The following LPP variants were observed in gnomAD, a reference collection of about 807,000 sequenced individuals.
The protein encoded by LPP is lipoma-preferred partner.
In LPP, 38 loss-of-function variants were observed where a neutral mutation model predicts 60.4. The ratio of observed to expected loss-of-function variants is 0.63; its 90% CI spans 0.49 to 0.83. The LOEUF (loss-of-function observed/expected upper bound fraction) is 0.83, where lower values mean the gene tolerates loss of function less well. LPP is among the 40% of genes least tolerant of loss of function. The pLI is 0.00. For missense variants in LPP, 902 were observed against 783.6 expected (o/e 1.15, Z -1.80); for synonymous variants, 328 against 290.8 (o/e 1.13, Z -1.30).
rs185895059 is a variant in LPP at position 188,349,080 on chromosome 3, G to A, written c.-10+7361G>A. Among the ~76,000 whole-genome samples, 7 of 152,264 alleles carry A rather than the reference G, an allele frequency of 4.6e-5. No individual in the cohort carries two copies. The East Asian group carries it at 1.4e-3, about 29-fold the overall frequency. ...CTTTTCATTAAACCACGATGTCTCA[G>A]TCAAGAGGAATGCTGGGTTGTGGGT... On this transcript the variant is annotated intron_variant, in intron 3 of 11. Transcript: ENST00000617246.
At chr3:188,785,907 T>C (rs924161398) in intron 9 of LPP, among the ~76,000 whole-genome samples, 1 of 152,156 alleles carries the variant, frequency 6.6e-6, no homozygotes, top group East Asian at 1.9e-4. Context: ...CTTTCTCAAT[T>C]TTCTCTTTAG....
At chr3:188,829,822 A>G (rs1756652162) in intron 9 of LPP, among the ~76,000 whole-genome samples, 1 of 152,002 alleles carries the variant, frequency 6.6e-6, no homozygotes, top group South Asian at 2.1e-4. Context: ...GGGTTTTTTT[A>G]CTTCTGTAAA....
chr3:188,501,775 G>C (rs1324816342), intron 5 of LPP, among the ~76,000 whole-genome samples: 1 of 151,578 alleles, frequency 6.6e-6, no homozygotes, highest in African/African-American at 2.4e-5. Context: ...ATATTAGCCG[G>C]GCGTGGTGGT....
chr3:188,323,018 C>T (rs534269420), intron 2 of LPP, among the ~76,000 whole-genome samples: 1 of 152,292 alleles, frequency 6.6e-6, no homozygotes, highest in East Asian at 1.9e-4. Flanking sequence ...GTAAAATCCA[C>T]TCTAATTCTA....
intron 9 of LPP, among the ~76,000 whole-genome samples, chr3:188,795,851 C>G (rs1416037852): frequency 6.6e-6 from 1 of 152,102 alleles, no homozygotes; most frequent in Non-Finnish European, 1.5e-5. Flanking sequence ...TATGTGTTTT[C>G]TGCAGTGGTC....
intron 7 of LPP, among the ~76,000 whole-genome samples, chr3:188,660,731 A>G (rs1359357929): frequency 2.0e-5 from 3 of 151,960 alleles, no homozygotes; most frequent in Non-Finnish European, 4.4e-5. Flanking sequence ...AAATACAAGC[A>G]AGTTCCCATA....
At chr3:188,396,539 G>A (rs898798359) in intron 3 of LPP, among the ~76,000 whole-genome samples, 1 of 152,176 alleles carries the variant, frequency 6.6e-6, no homozygotes. Context: ...TTATTGGTAG[G>A]TTTAGAAATA....
At chr3:188,674,216 A>G (rs1857522373) in intron 7 of LPP, among the ~76,000 whole-genome samples, 1 of 152,240 alleles carries the variant, frequency 6.6e-6, no homozygotes, top group Admixed American at 6.5e-5. Context: ...AATTTAAAAA[A>G]GAACATAGAT....
chr3:188,703,756 A>C (rs531177863), intron 7 of LPP, among the ~76,000 whole-genome samples: 39 of 152,362 alleles, frequency 2.6e-4, no homozygotes, highest in Admixed American at 9.8e-4. Flanking sequence ...TTCAGAGAAC[A>C]AAAAGAATGA....
At chr3:188,399,850 G>C (rs570281874) in intron 3 of LPP, among the ~76,000 whole-genome samples, 1 of 152,144 alleles carries the variant, frequency 6.6e-6, no homozygotes, top group African/African-American at 2.4e-5. Context: ...TGATTTGGAC[G>C]AAAAAAAGGA....
intron 9 of LPP, among the ~76,000 whole-genome samples, chr3:188,845,624 TCTC>T (rs999319023): frequency 2.0e-4 from 30 of 152,278 alleles, no homozygotes; most frequent in African/African-American, 7.2e-4. Flanking sequence ...CTTTCATAAA[TCTC>T]CTCTGGTATA....
At chr3:188,379,050 C>T (rs1050993377) in intron 3 of LPP, among the ~76,000 whole-genome samples, 9 of 151,866 alleles carry the variant, frequency 5.9e-5, no homozygotes, top group African/African-American at 2.2e-4. Flanking sequence ...GAAGTCCTGC[C>T]CTCCCCACTA....
chr3:188,391,627 A>G (rs574553548), intron 3 of LPP, among the ~76,000 whole-genome samples: 6 of 152,144 alleles, frequency 3.9e-5, no homozygotes, highest in Non-Finnish European at 7.3e-5. Flanking sequence ...TGAATCACAA[A>G]ACTGCACAAA....
chr3:188,607,116 GACACACACACACACAC>G lies in LPP; in HGVS notation c.430-2010_430-1995del, dbSNP rs34057522. 2.3e-3 allele frequency among the ~76,000 whole-genome samples: 293 copies of G among 129,578 alleles called. 2 individuals carry two copies. The South Asian group carries it at 0.028, about 12-fold the overall frequency. 85.0% of individuals were successfully genotyped at this position (129,578 alleles called of 152,430 possible). ...TTCTTTCAGTCTCTTTCTTGGTGAAGACACACACACACACACACACACACACACACACACACACACA... is the reference window on the plus strand; with the variant it reads ...TTCTTTCAGTCTCTTTCTTGGTGAAGACACACACACACACACACACACACA... On this transcript the variant is annotated intron_variant, in intron 6 of 11. Transcript: ENST00000617246.
chr3:188,272,241 T>C (rs1737999420), intron 2 of LPP, among the ~76,000 whole-genome samples: 1 of 152,224 alleles, frequency 6.6e-6, no homozygotes, highest in South Asian at 2.1e-4. Flanking sequence ...CTTCTAGCTC[T>C]TAAAAGCATG....
intron 1 of LPP, among the ~76,000 whole-genome samples, chr3:188,170,642 A>G (rs1238811669): frequency 6.8e-6 from 1 of 146,154 alleles, no homozygotes; most frequent in Non-Finnish European, 1.5e-5. Context: ...AGGGAGTCTC[A>G]GCTTCTTCAT....
At chr3:188,833,820 A>C (rs1396835834) in intron 9 of LPP, among the ~76,000 whole-genome samples, 1 of 152,136 alleles carries the variant, frequency 6.6e-6, no homozygotes, top group Non-Finnish European at 1.5e-5. Context: ...CCCAGCAAGG[A>C]CTGTTCATTC....
chr3:188,420,668 C>G (rs910861373), intron 4 of LPP, among the ~76,000 whole-genome samples: 1 of 152,126 alleles, frequency 6.6e-6, no homozygotes, highest in Non-Finnish European at 1.5e-5. Context: ...AGATTCTTAA[C>G]TTACCCATTA....
At chr3:188,396,883 T>C (rs933070847) in intron 3 of LPP, among the ~76,000 whole-genome samples, 2 of 152,134 alleles carry the variant, frequency 1.3e-5, no homozygotes, top group African/African-American at 4.8e-5. Flanking sequence ...TCATAAGAAG[T>C]TGTGGGAGGA....
Sources: gnomAD v4.1 joint callset for allele counts (sites outside exome capture counted in the v4.1 genomes callset) on GRCh38, gnomAD v4.1.1 for gene constraint, MANE v1.5 for transcripts, NCBI Gene and HGNC (gene_info 2026-07-23, HGNC 2026-07-21) for gene names.